Variants in GRIK2 observed in about 807,000 individuals in gnomAD.
The protein encoded by GRIK2 is glutamate receptor ionotropic, kainate 2.
In GRIK2, 32 loss-of-function variants were observed where a neutral mutation model predicts 100.3. The ratio of observed to expected loss-of-function variants is 0.32; its 90% confidence interval spans 0.24 to 0.43. GRIK2 has a LOEUF of 0.43. GRIK2 is among the 20% of genes least tolerant of loss of function. The pLI is 1.00. For missense variants in GRIK2, 843 were observed against 1,114.9 expected, an observed-to-expected ratio of 0.76 and a Z score of 3.47; for synonymous variants, 417 against 389.4, an observed-to-expected ratio of 1.07 and a Z score of -0.83.
chr6:101,871,789 C>G (rs967715821), intron 11 of GRIK2, among the ~76,000 whole-genome samples: 5 of 151,822 alleles, frequency 3.3e-5, no homozygotes, highest in Non-Finnish European at 5.9e-5. Flanking sequence ...TTGATGAGCA[C>G]CTGGGTTGAT....
At chr6:101,957,350 T>A (rs887243397) in intron 14 of GRIK2, among the ~76,000 whole-genome samples, 3 of 151,976 alleles carry the variant, frequency 2.0e-5, no homozygotes, top group African/African-American at 7.2e-5. Flanking sequence ...TGTTTTTGTC[T>A]TATAGAGTTG....
At chr6:101,415,365 C>CTTT (rs55751504) in intron 2 of GRIK2, among the ~76,000 whole-genome samples, 51 of 100,750 alleles carry the variant, frequency 5.1e-4, no homozygotes, top group Non-Finnish European at 7.4e-4. Context: ...TTTTCCATAA[C>CTTT]TTTTTTTTTT....
chr6:101,494,852 T>C (rs1773340517), intron 2 of GRIK2, among the ~76,000 whole-genome samples: 1 of 151,232 alleles, frequency 6.6e-6, no homozygotes, highest in Admixed American at 6.6e-5. Flanking sequence ...AGGATCCTCT[T>C]GAGACTGGGA....
At position 101,797,422 on chromosome 6, in the gene GRIK2, CT is replaced by C. The variant is rs1197481288; in HGVS notation, c.952-2222del. 8.6e-5 allele frequency among the ~76,000 whole-genome samples: 13 copies of C among 151,564 alleles called. 1 individual carries two copies. Among genetic ancestry groups the C allele is most frequent in the Admixed American group, 5.9e-4 (9 of 15,196 alleles). ...CTGTGTGATTTCAATTAGTTCTTCA[CT>C]TTTCCCAACCTTGGTTTTGTTATTT... On this transcript the variant is annotated intron_variant, in intron 7 of 16. Coordinates refer to ENST00000369134, the MANE Select transcript of GRIK2 (RefSeq NM_021956.5).
chr6:101,796,518 A>C (rs1323558360), intron 7 of GRIK2, among the ~76,000 whole-genome samples: 1 of 149,966 alleles, frequency 6.7e-6, no homozygotes, highest in Non-Finnish European at 1.5e-5. Context: ...ATATAAATAG[A>C]AAAATCTACA....
intron 12 of GRIK2, among the ~76,000 whole-genome samples, chr6:101,902,461 T>C (rs1285709300): frequency 6.6e-6 from 1 of 151,940 alleles, no homozygotes; most frequent in African/African-American, 2.4e-5. Flanking sequence ...GAAACAATTC[T>C]AAACTTAAAG....
At chr6:101,963,690 C>G (rs1200867870) in intron 14 of GRIK2, among the ~76,000 whole-genome samples, 1 of 151,772 alleles carries the variant, frequency 6.6e-6, no homozygotes, top group Non-Finnish European at 1.5e-5. Flanking sequence ...CTAGAAAGCT[C>G]TATTTCCTCT....
At chr6:101,605,445 T>G (rs1465239351) in intron 2 of GRIK2, among the ~76,000 whole-genome samples, 3 of 151,422 alleles carry the variant, frequency 2.0e-5, no homozygotes, top group Admixed American at 6.6e-5. Flanking sequence ...TTCCAATATC[T>G]GTCCATATTA....
At chr6:101,936,417 A>G (rs756637348) in intron 14 of GRIK2, among the ~76,000 whole-genome samples, 1 of 152,062 alleles carries the variant, frequency 6.6e-6, no homozygotes, top group Non-Finnish European at 1.5e-5. Context: ...TTAAAGTGTC[A>G]TTATATTTTT....
intron 12 of GRIK2, among the ~76,000 whole-genome samples, chr6:101,907,971 CCTT>C (rs769613016): frequency 6.6e-6 from 1 of 151,518 alleles, no homozygotes; most frequent in Non-Finnish European, 1.5e-5. Context: ...TCTTCCTCCT[CCTT>C]CTTCATTTTC....
intron 2 of GRIK2, among the ~76,000 whole-genome samples, chr6:101,496,023 A>G (rs1221182710): frequency 6.6e-6 from 1 of 152,012 alleles, no homozygotes; most frequent in African/African-American, 2.4e-5. Flanking sequence ...TTGGCTCACT[A>G]CAACCTCTGC....
chr6:101,871,818 T>C (rs956827066), intron 11 of GRIK2, among the ~76,000 whole-genome samples: 2 of 151,976 alleles, frequency 1.3e-5, no homozygotes, highest in African/African-American at 4.8e-5. Context: ...TTTGCTATTG[T>C]GAATAGTTCT....
chr6:101,620,922 G>T (rs1562265576), intron 2 of GRIK2, among the ~76,000 whole-genome samples: 1 of 152,120 alleles, frequency 6.6e-6, no homozygotes, highest in Non-Finnish European at 1.5e-5. Flanking sequence ...GAGGGAACTG[G>T]AATGAGACAG....
intron 4 of GRIK2, among the ~76,000 whole-genome samples, chr6:101,658,875 T>A (rs749690891): frequency 3.9e-5 from 6 of 152,210 alleles, no homozygotes; most frequent in Admixed American, 2.6e-4. Context: ...ATGAGGTTGT[T>A]TGCTTTTTCC....
intron 2 of GRIK2, among the ~76,000 whole-genome samples, chr6:101,617,034 G>A (rs776583646): frequency 4.6e-5 from 7 of 150,822 alleles, no homozygotes; most frequent in African/African-American, 1.2e-4. Flanking sequence ...TTTGTCTTTC[G>A]TTATATTTGA....
intron 2 of GRIK2, among the ~76,000 whole-genome samples, chr6:101,464,385 T>TA (rs1306084726): frequency 3.9e-5 from 6 of 152,132 alleles, no homozygotes; most frequent in Non-Finnish European, 8.8e-5. Context: ...AGGCATTTTT[T>TA]ATAGTCCCTC....
chr6:101,774,448 A>C (rs1389700852), intron 7 of GRIK2, among the ~76,000 whole-genome samples: 1 of 152,210 alleles, frequency 6.6e-6, no homozygotes, highest in Non-Finnish European at 1.5e-5. Context: ...AAAGCGGACA[A>C]GATTTAACAG....
At chr6:101,957,137 C>T (rs1791987803) in intron 14 of GRIK2, among the ~76,000 whole-genome samples, 1 of 151,856 alleles carries the variant, frequency 6.6e-6, no homozygotes. Context: ...TCACTTTTTT[C>T]TAAATGTGCT....
intron 7 of GRIK2, among the ~76,000 whole-genome samples, chr6:101,761,480 C>T (rs568049322): frequency 6.6e-6 from 1 of 152,042 alleles, no homozygotes; most frequent in African/African-American, 2.4e-5. Flanking sequence ...CTTCATTTCT[C>T]CAGAGCTCAT....
Sources: allele counts gnomAD v4.1 joint callset (sites outside exome capture counted in the v4.1 genomes callset), GRCh38; gene constraint gnomAD v4.1.1; transcripts MANE v1.5; gene names NCBI Gene and HGNC (gene_info 2026-07-23, HGNC 2026-07-21).